The following DUSP16 variants were observed in gnomAD, a reference collection of about 807,000 sequenced individuals.
DUSP16 encodes dual specificity phosphatase 16.
In DUSP16, 21 loss-of-function variants were observed where a neutral mutation model predicts 58.3. That is an observed-to-expected ratio of 0.36 (90% CI 0.26 to 0.52). DUSP16 has a LOEUF of 0.52. DUSP16 is among the 20% of genes least tolerant of loss of function. The pLI is 0.94. For synonymous variants in DUSP16, 320 were observed against 323.8 expected, an observed-to-expected ratio of 0.99 and a Z score of 0.12; for missense variants, 726 against 819.0, an observed-to-expected ratio of 0.89 and a Z score of 1.39.
chr12:12,504,900 A>G (rs1943969651), intron 3 of DUSP16, among the ~76,000 whole-genome samples: 2 of 152,098 alleles, frequency 1.3e-5, no homozygotes, highest in Admixed American at 1.3e-4. Flanking sequence ...CATACATCCA[A>G]CAAAACAATA....
At chr12:12,504,352 C>T (rs765304469) in intron 3 of DUSP16, among the ~76,000 whole-genome samples, 10 of 152,092 alleles carry the variant, frequency 6.6e-5, no homozygotes, top group Non-Finnish European at 1.3e-4. Flanking sequence ...ACCTCTGCCT[C>T]CCAGGCTCAA....
chr12:12,551,768 C>A (rs1459189797), intron 1 of DUSP16, among the ~76,000 whole-genome samples: 2 of 150,916 alleles, frequency 1.3e-5, no homozygotes, highest in Non-Finnish European at 2.9e-5. Flanking sequence ...TCTCAGCTCA[C>A]TGAAACCTCC....
chr12:12,511,887 C>T (rs1378243542), intron 3 of DUSP16, among the ~76,000 whole-genome samples: 1 of 152,080 alleles, frequency 6.6e-6, no homozygotes, highest in East Asian at 1.9e-4. Context: ...TACACAGCTG[C>T]CCCACCTGGG....
rs1943478651 is a variant in DUSP16, at chr12:12,477,699, G to A, written c.1132C>T (p.Gln378Ter). 1 of 1,613,304 alleles carries A rather than the reference G, an allele frequency of 6.2e-7. No individual in the cohort carries two copies. Among genetic ancestry groups the A allele is most frequent in the Non-Finnish European group, 8.5e-7 (1 of 1,179,514 alleles). The change falls in exon 7 of 7, where the codon CAG (glutamine) becomes TAG (stop). Residue 378 changes from glutamine to a stop codon, truncating the protein, a stop_gained. Transcript: ENST00000298573. LOFTEE classifies it high-confidence loss of function. This position sits in a 1 kb window ranked among gnomAD's most constrained non-coding sequence, Gnocchi z 4.1. ...PSLLEDSPLV[Q>*]ALSGLHLSAD... ...GACAGGTGCAGCCCACTGAGCGCCT[G>A]TACCAGCGGGCTGTCCTCTAACAGC...
Position 12,562,567 on chromosome 12 carries a change from G to T in DUSP16, c.-816C>A, listed in dbSNP as rs1430805315. 1.4e-5 allele frequency among the ~76,000 whole-genome samples: 2 copies of T among 145,986 alleles called. No individual in the cohort carries two copies. The highest frequency in any genetic ancestry group is 3.6e-3 in the Middle Eastern group (1 of 280). ...ATAGAAAGAGGGGGAAAGGCGGGGGGGTGGGGTGGGGGGTTGGGGGAAAGA... is the reference window on the plus strand; with the variant it reads ...ATAGAAAGAGGGGGAAAGGCGGGGGTGTGGGGTGGGGGGTTGGGGGAAAGA... On this transcript the variant is annotated 5_prime_UTR_variant, in exon 1 of 7. Coordinates refer to ENST00000298573, the MANE Select transcript of DUSP16 (RefSeq NM_030640.3).
chr12:12,483,912 A>G (rs568837605), intron 5 of DUSP16, among the ~76,000 whole-genome samples: 34 of 152,152 alleles, frequency 2.2e-4, no homozygotes, highest in Non-Finnish European at 4.4e-4. Context: ...TTCAAATGAC[A>G]TGCTATCACT....
intron 5 of DUSP16, 152 bp downstream of exon 5, chr12:12,486,876 A>G (rs1565982711): frequency 1.2e-5 from 10 of 829,538 alleles, no homozygotes; most frequent in Non-Finnish European, 1.9e-5. Context: ...CTTGACCACC[A>G]GATGAGTAAG....
At position 12,519,852 on chromosome 12, in the gene DUSP16, C is replaced by T. The variant is rs775405899; in HGVS notation, c.367+10G>A. On this transcript the variant is annotated intron_variant, in intron 3 of 6. Coordinates refer to ENST00000298573, the MANE Select transcript of DUSP16 (RefSeq NM_030640.3). ...ATTCTGAGTCCTTTTAATTCCATCACGAGCCTTACCTGCAAGCAGGTGAAC... is the reference window on the plus strand; with the variant it reads ...ATTCTGAGTCCTTTTAATTCCATCATGAGCCTTACCTGCAAGCAGGTGAAC... The T allele has an allele frequency of 8.7e-6, 14 of 1,613,698 alleles. No homozygotes were observed. The highest frequency in any genetic ancestry group is 5.0e-5 in the Admixed American group (3 of 59,978).
chr12:12,526,737 T>G (rs1944313104), intron 1 of DUSP16, among the ~76,000 whole-genome samples: 1 of 152,230 alleles, frequency 6.6e-6, no homozygotes, highest in South Asian at 2.1e-4. Context: ...AACATGATCC[T>G]GGGTTCTAGG....
chr12:12,548,443 C>T (rs1272549608), intron 1 of DUSP16, among the ~76,000 whole-genome samples: 1 of 151,838 alleles, frequency 6.6e-6, no homozygotes, highest in Non-Finnish European at 1.5e-5. Flanking sequence ...ACAAGCCTGG[C>T]CAACACGGTG....
intron 1 of DUSP16, among the ~76,000 whole-genome samples, chr12:12,557,963 A>G (rs1592218291): frequency 1.3e-5 from 2 of 152,354 alleles, no homozygotes; most frequent in East Asian, 3.9e-4. Flanking sequence ...CTTTAAGGCC[A>G]GGGTCAAATT....
intron 1 of DUSP16, among the ~76,000 whole-genome samples, chr12:12,525,463 T>A (rs1944292799): frequency 7.1e-6 from 1 of 141,292 alleles, no homozygotes; most frequent in Admixed American, 7.0e-5. Context: ...AGATGGGGTT[T>A]CTCCATGTCA....
At chr12:12,495,047 G>A (rs536619786) in intron 4 of DUSP16, among the ~76,000 whole-genome samples, 12 of 152,062 alleles carry the variant, frequency 7.9e-5, no homozygotes, top group East Asian at 1.9e-4. Context: ...CCTAACCTCC[G>A]GTAGCTTTAA....
At chr12:12,500,966 C>T (rs1165289117) in intron 3 of DUSP16, among the ~76,000 whole-genome samples, 1 of 152,136 alleles carries the variant, frequency 6.6e-6, no homozygotes, top group Non-Finnish European at 1.5e-5. Flanking sequence ...AACATTTGCT[C>T]CCCACTCCCC....
Position 12,521,033 on chromosome 12 carries a change from T to C in DUSP16, c.66A>G (p.Gly22=), listed in dbSNP as rs147374839. The C allele has an allele frequency of 1.2e-6, 2 of 1,614,208 alleles. No homozygotes were observed. Among genetic ancestry groups the C allele is most frequent in the East Asian group, 2.2e-5 (1 of 44,890 alleles). ...TATCAATTAGCAGCACTTTTTCCGT[T>C]CCACTTTCCAGCAGAGCCACCAACC... ...TERLVALLES[G]TEKVLLIDSR... Residue 22 remains glycine, a synonymous_variant, in exon 2 of 7, where the codon GGA becomes GGG. Transcript: ENST00000298573.
rs1250282869 is a variant in DUSP16, at chr12:12,476,913, T to A, written c.1918A>T (p.Asn640Tyr). ...MEFGESIMSE[N>Y]RSREELGKVG... ...TTCCCCAGCTCTTCCCGTGACCTGT[T>A]CTCTGACATGATGCTCTCTCCAAAT... Residue 640 changes from asparagine (N) to tyrosine (Y), a missense_variant, in exon 7 of 7, where the codon AAC becomes TAC. Coordinates refer to ENST00000298573, the MANE Select transcript of DUSP16 (RefSeq NM_030640.3). The A allele has an allele frequency of 2.5e-6, 4 of 1,614,042 alleles. No individual in the cohort carries two copies. Among genetic ancestry groups the A allele is most frequent in the Non-Finnish European group, 3.4e-6 (4 of 1,180,038 alleles).
At chr12:12,504,691 TAA>T (rs57833371) in intron 3 of DUSP16, among the ~76,000 whole-genome samples, 53,040 of 118,914 alleles carry the variant, frequency 0.45, 11,769 homozygotes, top group African/African-American at 0.55. Context: ...CAATCTCTGT[TAA>T]AAAAAAAAAA....
rs58191075 is a variant in DUSP16, at chr12:12,497,667, T to TAA, written c.531+2850_531+2851dup. ...TAACATATTTTGGTGGCACTTCATTTAAAAAAAAAAAAAAGACTAATAGGC... is the reference window on the plus strand; with the variant it reads ...TAACATATTTTGGTGGCACTTCATTTAAAAAAAAAAAAAAAAGACTAATAGGC... On this transcript the variant is annotated intron_variant, in intron 4 of 6. Transcript: ENST00000298573. Among the ~76,000 whole-genome samples, 238 of 145,630 alleles carry TAA rather than the reference T, an allele frequency of 1.6e-3. 2 individuals carry two copies. The highest frequency in any genetic ancestry group is 0.013 in the East Asian group (64 of 5,042).
rs1406290295 is a variant in DUSP16 at position 12,477,610 on chromosome 12, A to T, written c.1221T>A (p.Val407=). 1 of 1,614,214 alleles carries T rather than the reference A, an allele frequency of 6.2e-7. No individual in the cohort carries two copies. The highest frequency in any genetic ancestry group is 8.5e-7 in the Non-Finnish European group (1 of 1,180,032). ...KRSFSLDIKS[V]SYSASMAASL... ...ATGCTGCCATGCTGGCTGAATATGAAACTGATTTGATATCCAGAGAGAAGG... is the reference window on the plus strand; with the variant it reads ...ATGCTGCCATGCTGGCTGAATATGATACTGATTTGATATCCAGAGAGAAGG... Residue 407 remains valine (V), a synonymous_variant, in exon 7 of 7, where the codon GTT becomes GTA. Transcript: ENST00000298573. This position sits in a 1 kb window ranked among gnomAD's most constrained non-coding sequence, Gnocchi z 4.1.
Sources: gnomAD v4.1 joint callset for allele counts (sites outside exome capture counted in the v4.1 genomes callset) on GRCh38, gnomAD v4.1.1 for gene constraint, Gnocchi (gnomAD v3.1) non-coding constraint, MANE v1.5 for transcripts, NCBI Gene and HGNC (gene_info 2026-07-23, HGNC 2026-07-21) for gene names.